PPP3R1: variants seen among roughly 807,000 people sequenced by gnomAD.
The protein encoded by PPP3R1 is calcineurin subunit B type 1.
In PPP3R1, 5 loss-of-function variants were observed where a neutral mutation model predicts 22.6. The observed-to-expected ratio is 0.22, with a 90% CI of 0.12 to 0.46. PPP3R1 has a LOEUF of 0.46. PPP3R1 is among the 20% of genes least tolerant of loss of function. The pLI is 0.99. For synonymous variants in PPP3R1, 56 were observed against 65.2 expected (o/e 0.86, Z 0.68); for missense variants, 61 against 203.2 (o/e 0.30, Z 4.25).
chr2:68,219,725 A>G (rs1669648684), intron 1 of PPP3R1, among the ~76,000 whole-genome samples: 1 of 152,236 alleles, frequency 6.6e-6, no homozygotes, highest in African/African-American at 2.4e-5. Context: ...GACATACCCA[A>G]TAAGGTACTG....
At chr2:68,205,746 T>C (rs1249438262) in intron 2 of PPP3R1, among the ~76,000 whole-genome samples, 2 of 151,936 alleles carry the variant, frequency 1.3e-5, no homozygotes, top group Non-Finnish European at 2.9e-5. Context: ...GTCCGTGGAG[T>C]TATAGCAGCC....
chr2:68,230,645 T>C (rs1669879573), intron 1 of PPP3R1, among the ~76,000 whole-genome samples: 1 of 142,536 alleles, frequency 7.0e-6, no homozygotes, highest in African/African-American at 2.6e-5. Context: ...TCCAAGATTC[T>C]TTCATCATAC....
chr2:68,226,227 A>G (rs1669778498), intron 1 of PPP3R1, among the ~76,000 whole-genome samples: 1 of 152,202 alleles, frequency 6.6e-6, no homozygotes, highest in Admixed American at 6.5e-5. Flanking sequence ...TGATAGACCT[A>G]TTCTACATCT....
At chr2:68,247,021 T>C (rs982116358) in intron 1 of PPP3R1, among the ~76,000 whole-genome samples, 1 of 142,742 alleles carries the variant, frequency 7.0e-6, no homozygotes, top group Admixed American at 6.9e-5. Context: ...AGTCACACAA[T>C]CTTGGCTCAC....
intron 2 of PPP3R1, among the ~76,000 whole-genome samples, chr2:68,190,254 TTAAAAAA>T (rs1206173903): frequency 3.5e-5 from 3 of 85,506 alleles, no homozygotes; most frequent in East Asian, 5.9e-4. Flanking sequence ...CAAGTTTCTC[TTAAAAAA>T]AAAAAAAAAA....
At chr2:68,237,059 C>G (rs1475279389) in intron 1 of PPP3R1, among the ~76,000 whole-genome samples, 1 of 152,144 alleles carries the variant, frequency 6.6e-6, no homozygotes, top group African/African-American at 2.4e-5. Context: ...CTGAGCTTCT[C>G]ATTCTGTGAA....
At chr2:68,198,935 T>C (rs1674897995) in intron 2 of PPP3R1, among the ~76,000 whole-genome samples, 1 of 152,210 alleles carries the variant, frequency 6.6e-6, no homozygotes, top group African/African-American at 2.4e-5. Flanking sequence ...TACTCTATTA[T>C]GCATGGTACT....
chr2:68,230,075 C>A (rs1253413913), intron 1 of PPP3R1, among the ~76,000 whole-genome samples: 1 of 152,076 alleles, frequency 6.6e-6, no homozygotes, highest in Non-Finnish European at 1.5e-5. Flanking sequence ...TCACTGCATT[C>A]TCCACCTCCC....
intron 1 of PPP3R1, among the ~76,000 whole-genome samples, chr2:68,242,011 T>C (rs929396359): frequency 2.6e-5 from 4 of 152,210 alleles, no homozygotes; most frequent in Non-Finnish European, 5.9e-5. Context: ...TGTGTACTCG[T>C]AGATATTGTG....
intron 1 of PPP3R1, 66 bp from the exon 2 acceptor site, chr2:68,217,197 A>AGGTTT: frequency 7.8e-6 from 9 of 1,155,584 alleles, no homozygotes; most frequent in Non-Finnish European, 1.1e-5. Flanking sequence ...TATTAAACCT[A>AGGTTT]AATATTTTAA....
At chr2:68,198,056 C>A (rs1275454948) in intron 2 of PPP3R1, among the ~76,000 whole-genome samples, 1 of 75,174 alleles carries the variant, frequency 1.3e-5, no homozygotes, top group Non-Finnish European at 2.2e-5. Flanking sequence ...ACAACGGCAC[C>A]TTTGGCAAAA....
At chr2:68,200,078 T>C (rs752372853) in intron 2 of PPP3R1, among the ~76,000 whole-genome samples, 4 of 152,222 alleles carry the variant, frequency 2.6e-5, no homozygotes, top group African/African-American at 4.8e-5. Context: ...AATTCAATTT[T>C]ATTAACTAAT....
At chr2:68,249,355 T>C (rs1473692244) in intron 1 of PPP3R1, among the ~76,000 whole-genome samples, 1 of 152,164 alleles carries the variant, frequency 6.6e-6, no homozygotes, top group East Asian at 1.9e-4. Context: ...GAATATGTTG[T>C]GTAAAACTCT....
chr2:68,238,254 G>C (rs191419468), intron 1 of PPP3R1, among the ~76,000 whole-genome samples: 3 of 152,252 alleles, frequency 2.0e-5, no homozygotes, highest in African/African-American at 7.2e-5. Flanking sequence ...GGAGCCAACA[G>C]TTTAGGAGGG....
chr2:68,198,397 A>G (rs953850500), intron 2 of PPP3R1, among the ~76,000 whole-genome samples: 1 of 98,110 alleles, frequency 1.0e-5, no homozygotes, highest in East Asian at 3.1e-4. Flanking sequence ...ATATATGTAT[A>G]TATATGTGTA....
intron 5 of PPP3R1, among the ~76,000 whole-genome samples, chr2:68,182,064 T>G (rs1474894437): frequency 3.4e-5 from 3 of 87,750 alleles, no homozygotes; most frequent in East Asian, 5.1e-4. Flanking sequence ...ACATCTCCCC[T>G]CCTCCAACCC....
intron 2 of PPP3R1, among the ~76,000 whole-genome samples, chr2:68,206,712 C>G (rs1675134055): frequency 6.6e-6 from 1 of 152,160 alleles, no homozygotes; most frequent in South Asian, 2.1e-4. Flanking sequence ...ATAGTTTACC[C>G]ATACTGTAAT....
At chr2:68,202,506 C>T (rs1282686718) in intron 2 of PPP3R1, among the ~76,000 whole-genome samples, 1 of 151,758 alleles carries the variant, frequency 6.6e-6, no homozygotes, top group Non-Finnish European at 1.5e-5. Flanking sequence ...CTCACTGCAA[C>T]CTCTGCCTCC....
At position 68,252,203 on chromosome 2, in the gene PPP3R1, G is replaced by C; in HGVS notation, c.-76C>G. 8.0e-7 allele frequency: 1 copy of C among 1,246,272 alleles called. No homozygotes were observed. Among genetic ancestry groups the C allele is most frequent in the Non-Finnish European group, 1.0e-6 (1 of 968,084 alleles). 77.2% of individuals were successfully genotyped at this position (1,246,272 alleles called of 1,614,324 possible). On this transcript the variant is annotated 5_prime_UTR_variant, in exon 1 of 6. Transcript: ENST00000234310. ...GCGCTCAGGCTGGCTCGCAGGAAAC[G>C]GCGGCGGCGGCCCAGCTGCGGCCCT...
Sources: gnomAD v4.1 joint callset for allele counts (sites outside exome capture counted in the v4.1 genomes callset) on GRCh38, gnomAD v4.1.1 for gene constraint, MANE v1.5 for transcripts, NCBI Gene and HGNC (gene_info 2026-07-23, HGNC 2026-07-21) for gene names.